ZNF248: variants seen among roughly 807,000 people sequenced by gnomAD.
ZNF248 encodes KRAB protein domain.
A neutral mutation model predicts 44.3 loss-of-function variants in ZNF248; 20 were observed. The observed-to-expected ratio is 0.45, with a 90% CI of 0.32 to 0.66. The LOEUF (loss-of-function observed/expected upper bound fraction) is 0.66, where lower values mean the gene tolerates loss of function less well. ZNF248 is among the 30% of genes least tolerant of loss of function. ZNF248 has a pLI of 0.04. For synonymous variants in ZNF248, 224 were observed against 229.0 expected (o/e 0.98, Z 0.20); for missense variants, 654 against 677.0 (o/e 0.97, Z 0.38).
At chr10:37,815,669 T>G (rs775227525) in intron 6 of ZNF248, among the ~76,000 whole-genome samples, 4 of 152,104 alleles carry the variant, frequency 2.6e-5, no homozygotes, top group Non-Finnish European at 5.9e-5. Flanking sequence ...TTAGTCATAC[T>G]TTCTTGTTTC....
At chr10:37,771,224 G>A in the ZNF248 span, among the ~76,000 whole-genome samples, 1 of 152,146 alleles carries the variant, frequency 6.6e-6, no homozygotes, top group Non-Finnish European at 1.5e-5. Flanking sequence ...TGATTCCTCA[G>A]GGATCTAGAA....
chr10:37,790,847 A>T (rs2048437953), intron 6 of ZNF248, among the ~76,000 whole-genome samples: 1 of 150,442 alleles, frequency 6.6e-6, no homozygotes, highest in African/African-American at 2.4e-5. Context: ...TTGAGGCCAG[A>T]AGGTCAAGGC....
At chr10:37,841,386 G>C (rs2058319560) in intron 3 of ZNF248, among the ~76,000 whole-genome samples, 1 of 150,082 alleles carries the variant, frequency 6.7e-6, no homozygotes, top group Admixed American at 6.6e-5. Context: ...ACTTCCTTTG[G>C]AGTAAATTTC....
chr10:37,842,818 C>CA (rs1032768943), intron 3 of ZNF248, among the ~76,000 whole-genome samples: 3 of 152,070 alleles, frequency 2.0e-5, no homozygotes, highest in Non-Finnish European at 4.4e-5. Flanking sequence ...TTTGGGCTTT[C>CA]AAAAAACCCC....
chr10:37,834,762 A>G (rs1255565806), intron 5 of ZNF248, among the ~76,000 whole-genome samples: 2 of 152,188 alleles, frequency 1.3e-5, no homozygotes, highest in African/African-American at 4.8e-5. Context: ...ATTTCTAAAC[A>G]CTTTACAAAC....
intron 6 of ZNF248, among the ~76,000 whole-genome samples, chr10:37,800,519 T>C (rs1039969314): frequency 4.6e-5 from 7 of 152,188 alleles, no homozygotes; most frequent in African/African-American, 1.7e-4. Context: ...CAGTCTACTG[T>C]TGATTGATAT....
intron 6 of ZNF248, among the ~76,000 whole-genome samples, chr10:37,804,310 T>C (rs2133262196): frequency 6.6e-6 from 1 of 152,086 alleles, no homozygotes. Flanking sequence ...ACTGAGGATT[T>C]TCAAGAATAC....
the ZNF248 span, among the ~76,000 whole-genome samples, chr10:37,765,100 A>G: frequency 4.1e-4 from 62 of 152,070 alleles, no homozygotes; most frequent in Admixed American, 3.9e-3. Context: ...AGCTAGGACT[A>G]CAGGCCACCA....
At chr10:37,779,760 A>G (rs2132856591) in intron 6 of ZNF248, among the ~76,000 whole-genome samples, 1 of 150,354 alleles carries the variant, frequency 6.7e-6, no homozygotes, top group South Asian at 2.1e-4. Context: ...GTATATCTAG[A>G]AAACCCCATT....
chr10:37,839,947 C>T (rs563374783), intron 3 of ZNF248, among the ~76,000 whole-genome samples: 35 of 152,242 alleles, frequency 2.3e-4, no homozygotes, highest in African/African-American at 7.5e-4. Flanking sequence ...CACACCTTAA[C>T]GAACTTAATG....
intron 5 of ZNF248, among the ~76,000 whole-genome samples, chr10:37,834,659 T>C (rs1369706376): frequency 5.3e-5 from 8 of 152,294 alleles, no homozygotes; most frequent in Admixed American, 3.9e-4. Context: ...CAGCCACTGG[T>C]GAGTTAATGT....
intron 6 of ZNF248, chr10:37,821,005 C>T (rs1252524668): frequency 1.2e-5 from 17 of 1,451,546 alleles, no homozygotes; most frequent in East Asian, 6.8e-5. Flanking sequence ...GAGCGTCTCC[C>T]GAGACTAAAG....
intron 6 of ZNF248, among the ~76,000 whole-genome samples, chr10:37,806,744 T>A (rs2050618114): frequency 6.6e-6 from 1 of 152,142 alleles, no homozygotes; most frequent in Admixed American, 6.5e-5. Flanking sequence ...CGTTATAAAT[T>A]TTGATAAAGT....
chr10:37,793,370 A>G (rs527453131), intron 6 of ZNF248, among the ~76,000 whole-genome samples: 3 of 152,256 alleles, frequency 2.0e-5, no homozygotes, highest in African/African-American at 7.2e-5. Context: ...TTTTATTTCA[A>G]TAAAGCAGAT....
chr10:37,776,696 A>G (rs1054996120), intron 6 of ZNF248: 11 of 380,482 alleles, frequency 2.9e-5, no homozygotes, highest in Admixed American at 4.5e-5. Flanking sequence ...CAGGAGTCCA[A>G]GCAACACAGT....
intron 6 of ZNF248, among the ~76,000 whole-genome samples, chr10:37,805,148 T>C (rs1469509433): frequency 6.6e-6 from 1 of 152,146 alleles, no homozygotes; most frequent in East Asian, 1.9e-4. Context: ...TAACAGAAAT[T>C]CAATTCTAGA....
chr10:37,771,202 A>T, the ZNF248 span, among the ~76,000 whole-genome samples: 24 of 152,228 alleles, frequency 1.6e-4, no homozygotes, highest in African/African-American at 5.5e-4. Context: ...ACAATTGTGG[A>T]AGACAGTGTG....
Position 37,828,858 on chromosome 10 carries a change from A to C in ZNF248, c.*2757T>G. The C allele has an allele frequency of 1.0e-6, 1 of 985,462 alleles. No individual in the cohort carries two copies. The highest frequency in any genetic ancestry group is 1.2e-6 in the Non-Finnish European group (1 of 829,940). The allele number at this position is 985,462 out of a possible 1,614,324, so 61.0% of individuals were successfully genotyped here. On this transcript the variant is annotated 3_prime_UTR_variant, in exon 6 of 6. Transcript: ENST00000395867. ...CACCACAGGGAGGTATGAATAATGT[A>C]ATTTAATATAATGTCTGCTTCACAC... is the stretch of plus-strand genomic sequence containing the variant.
At chr10:37,849,753 CA>C (rs1213807026) in intron 3 of ZNF248, among the ~76,000 whole-genome samples, 1 of 151,698 alleles carries the variant, frequency 6.6e-6, no homozygotes, top group Non-Finnish European at 1.5e-5. Context: ...GAAGACAGTA[CA>C]AAAGAGAAAT....
Sources: allele counts gnomAD v4.1 joint callset (sites outside exome capture counted in the v4.1 genomes callset), GRCh38; gene constraint gnomAD v4.1.1; transcripts MANE v1.5; gene names NCBI Gene and HGNC (gene_info 2026-07-23, HGNC 2026-07-21).